Variants in SETDB1 observed in about 807,000 individuals in gnomAD.
SETDB1 encodes SET domain bifurcated histone lysine methyltransferase 1, also known as histone-lysine N-methyltransferase SETDB1.
Under a neutral mutation model 137.4 loss-of-function variants are expected in SETDB1, and 31 were observed. That is an observed-to-expected ratio of 0.23 (90% confidence interval 0.17 to 0.30). The LOEUF is 0.30. SETDB1 is among the 10% of genes least tolerant of loss of function. The probability of loss-of-function intolerance (pLI) is 1.00; values close to 1 mark genes in which losing one functional copy is unlikely to be tolerated. For missense variants in SETDB1, 1,113 were observed against 1,631.5 expected, an observed-to-expected ratio of 0.68 and a Z score of 5.47; for synonymous variants, 548 against 579.9, an observed-to-expected ratio of 0.95 and a Z score of 0.79.
chr1:150,939,150 C>T (rs1670049729), intron 3 of SETDB1, among the ~76,000 whole-genome samples: 4 of 151,554 alleles, frequency 2.6e-5, no homozygotes, highest in Admixed American at 2.6e-4. Flanking sequence ...TTTGGTTTCA[C>T]CATGTTGCCC....
At chr1:150,962,199 TG>T in intron 17 of SETDB1, 41 bp downstream of exon 17, 4 of 1,580,266 alleles carry the variant, frequency 2.5e-6, no homozygotes, top group Non-Finnish European at 3.5e-6. Flanking sequence ...GACAGAGTCT[TG>T]CTTTGTCACC....
chr1:150,963,751 C>T lies in SETDB1; in HGVS notation c.3672+10C>T, dbSNP rs749581658. On this transcript the variant is annotated intron_variant, in intron 20 of 21. Coordinates refer to ENST00000692827, the MANE Select transcript of SETDB1 (RefSeq NM_001366418.1). ...GGGCCGCTACCTCAACGTGAGACCC[C>T]TCTCCCCACCTCTAGATGCTGGATT... 2.5e-6 allele frequency: 4 copies of T among 1,611,288 alleles called. No homozygotes were observed. The highest frequency in any genetic ancestry group is 3.4e-6 in the Non-Finnish European group (4 of 1,177,426).
Position 150,950,863 on chromosome 1 carries a change from A to C in SETDB1, c.1989A>C (p.Pro663=), listed in dbSNP as rs780226419. 3.1e-6 allele frequency: 5 copies of C among 1,613,924 alleles called. No individual in the cohort carries two copies. The African/African-American group carries it at 6.7e-5, about 22-fold the overall frequency. The change falls in exon 13 of 22, where the codon CCA becomes CCC. Residue 663 remains proline, a synonymous_variant. Transcript: ENST00000692827. ...FLFLEMFCLD[P]YVLVDRKFQP... ...TCCTGGAGATGTTCTGTTTGGATCC[A>C]TATGTTCTTGTGGACCGAAAGTTTC...
At chr1:150,962,497 T>G in intron 17 of SETDB1, 90 bp from the exon 18 acceptor site, 1 of 1,314,398 alleles carries the variant, frequency 7.6e-7, no homozygotes, top group Admixed American at 1.8e-5. Flanking sequence ...CTTTTTGACC[T>G]GTCTCCAAAT....
intron 19 of SETDB1, 104 bp from the exon 20 acceptor site, chr1:150,963,426 C>A: frequency 2.1e-6 from 2 of 972,302 alleles, no homozygotes; most frequent in Non-Finnish European, 3.1e-6. Flanking sequence ...TGGTGTTTCT[C>A]AGCTGCAATG....
intron 3 of SETDB1, among the ~76,000 whole-genome samples, chr1:150,938,889 A>G (rs188013707): frequency 7.2e-6 from 1 of 138,128 alleles, no homozygotes; most frequent in East Asian, 2.2e-4. Flanking sequence ...GCCGCTTTGG[A>G]GGTTGAGGCA....
At chr1:150,948,836 C>G (rs767314137) in intron 10 of SETDB1, among the ~76,000 whole-genome samples, 1 of 151,478 alleles carries the variant, frequency 6.6e-6, no homozygotes, top group Non-Finnish European at 1.5e-5. Flanking sequence ...GATTGTCCTG[C>G]GCCTTCCGAG....
chr1:150,954,014 C>A (rs1390079537), intron 14 of SETDB1, among the ~76,000 whole-genome samples: 1 of 152,026 alleles, frequency 6.6e-6, no homozygotes, highest in Non-Finnish European at 1.5e-5. Flanking sequence ...ACCACCACGC[C>A]TGACTACTTT....
chr1:150,951,654 T>C (rs587662489), intron 14 of SETDB1, among the ~76,000 whole-genome samples, 173 bp downstream of exon 14: 1 of 152,380 alleles, frequency 6.6e-6, no homozygotes, highest in Admixed American at 6.5e-5. Context: ...ACATTTTTTT[T>C]CTTGGACCTT....
Position 150,945,156 on chromosome 1 carries a change from A to G in SETDB1, c.1140+48A>G, listed in dbSNP as rs13375831. 3.3e-3 allele frequency: 5,294 copies of G among 1,609,678 alleles called. 149 individuals are homozygous for G. The African/African-American group carries it at 0.062, about 19-fold the overall frequency. ...TGGAGGCAGAGGTTGGTGGGGGGGG[A>G]ACTTAAGAAGCAGTAATGAGGATGG... On this transcript the variant is annotated intron_variant, in intron 9 of 21. Coordinates refer to ENST00000692827, the MANE Select transcript of SETDB1 (RefSeq NM_001366418.1).
chr1:150,944,291 G>A (rs13376166), intron 8 of SETDB1, among the ~76,000 whole-genome samples: 1,629 of 152,258 alleles, frequency 0.011, 27 homozygotes, highest in South Asian at 0.038. Context: ...AGTGAGTTAC[G>A]TTGGAAAAGG....
chr1:150,951,513 GAGAGA>G, intron 14 of SETDB1, 32 bp downstream of exon 14: 4 of 1,101,662 alleles, frequency 3.6e-6, no homozygotes, highest in Non-Finnish European at 5.6e-6. Flanking sequence ...CAGTACCTCA[GAGAGA>G]CTGAGGAGCA....
chr1:150,954,119 G>T (rs1428203925), intron 14 of SETDB1, among the ~76,000 whole-genome samples: 1 of 152,138 alleles, frequency 6.6e-6, no homozygotes, highest in Non-Finnish European at 1.5e-5. Context: ...CTCCCAAAGT[G>T]CTGGGATTAC....
At chr1:150,934,837 T>G (rs587617868) in intron 3 of SETDB1, among the ~76,000 whole-genome samples, 16 of 152,160 alleles carry the variant, frequency 1.1e-4, no homozygotes, top group East Asian at 3.9e-4. Context: ...TTTTTTTTTT[T>G]TGTGACAGAG....
At position 150,939,901 on chromosome 1, in the gene SETDB1, T is replaced by G; in HGVS notation, c.413-39T>G. 3 of 1,543,336 alleles carry G rather than the reference T, an allele frequency of 1.9e-6. No individual in the cohort carries two copies. In the South Asian group the frequency reaches 3.5e-5, roughly 18 times the overall value. On this transcript the variant is annotated intron_variant, in intron 3 of 21. Coordinates refer to ENST00000692827, the MANE Select transcript of SETDB1 (RefSeq NM_001366418.1). ...TTAATTTCCCAGAAGTTCCTCTGTGTAAGTCTCTGACACTCATTAGAGTTC... is the reference window on the plus strand; with the variant it reads ...TTAATTTCCCAGAAGTTCCTCTGTGGAAGTCTCTGACACTCATTAGAGTTC...
chr1:150,938,092 G>A (rs899199091), intron 3 of SETDB1, among the ~76,000 whole-genome samples: 10 of 151,854 alleles, frequency 6.6e-5, no homozygotes, highest in African/African-American at 7.3e-5. Flanking sequence ...GTGGTGGCGC[G>A]TGCCTGTAAC....
intron 14 of SETDB1, among the ~76,000 whole-genome samples, chr1:150,958,150 T>C (rs938051070): frequency 7.4e-6 from 1 of 134,454 alleles, no homozygotes; most frequent in Non-Finnish European, 1.6e-5. Context: ...GCCATTGCAC[T>C]CCAGCCTGGG....
intron 10 of SETDB1, among the ~76,000 whole-genome samples, chr1:150,947,325 T>C (rs1323931129): frequency 6.6e-6 from 1 of 152,102 alleles, no homozygotes; most frequent in African/African-American, 2.4e-5. Flanking sequence ...GTTTTTTCTT[T>C]TTCTTTTTTT....
Position 150,960,683 on chromosome 1 carries a change from C to T in SETDB1, c.2624C>T (p.Ala875Val). The T allele has an allele frequency of 4.3e-6, 7 of 1,611,764 alleles. No homozygotes were observed. Among genetic ancestry groups the T allele is most frequent in the Non-Finnish European group, 5.9e-6 (7 of 1,179,148 alleles). ...TTCAAAGAAGGATATGAGAGTGATG[C>T]CCCCTGTTCCTCTGACAGCAGTGGT... ...ENFKEGYESD[A>V]PCSSDSSGVD... Residue 875 changes from alanine to valine, a missense_variant, in exon 16 of 22, where the codon GCC becomes GTC. Transcript: ENST00000692827.
Sources: allele counts gnomAD v4.1 joint callset (sites outside exome capture counted in the v4.1 genomes callset), GRCh38; gene constraint gnomAD v4.1.1; transcripts MANE v1.5; gene names NCBI Gene and HGNC (gene_info 2026-07-23, HGNC 2026-07-21).